CP: variants seen among roughly 807,000 people sequenced by gnomAD.
The protein encoded by CP is ceruloplasmin, also known as caeruloplasmin.
A neutral mutation model predicts 122.4 loss-of-function variants in CP; 64 were observed. The ratio of observed to expected loss-of-function variants is 0.52; its 90% CI spans 0.43 to 0.64. The LOEUF is 0.64. Ranked by LOEUF, CP falls within the 30% of genes least tolerant of loss-of-function variation. The pLI, the probability that CP is intolerant of heterozygous loss-of-function variation, is 0.00. For missense variants in CP, 1,167 were observed against 1,284.4 expected, an observed-to-expected ratio of 0.91 and a Z score of 1.40; for synonymous variants, 440 against 436.4, an observed-to-expected ratio of 1.01 and a Z score of -0.10.
At chr3:149,191,987 T>G (rs1164143787) in intron 9 of CP, among the ~76,000 whole-genome samples, 1 of 152,086 alleles carries the variant, frequency 6.6e-6, no homozygotes, top group African/African-American at 2.4e-5. Flanking sequence ...CTAAAGCTAT[T>G]CATTTAATGT....
intron 1 of CP, among the ~76,000 whole-genome samples, chr3:149,213,404 G>A (rs1728241275): frequency 1.3e-5 from 2 of 152,190 alleles, no homozygotes; most frequent in African/African-American, 4.8e-5. Context: ...TAAAATATCA[G>A]TGAGGTAAAT....
intron 5 of CP, chr3:149,165,808 G>C (rs1724356603): frequency 2.1e-5 from 7 of 332,192 alleles, no homozygotes; most frequent in Admixed American, 1.6e-4. Flanking sequence ...GTTAAATATA[G>C]AGGTAATCTA....
intron 9 of CP, 139 bp from the exon 10 acceptor site, chr3:149,188,341 T>C (rs1726316284): frequency 1.4e-6 from 1 of 700,452 alleles, no homozygotes; most frequent in South Asian, 1.9e-5. Context: ...TAAACTAGGG[T>C]TCCTGAAATA....
At chr3:149,203,731 G>T (rs1727509575) in intron 6 of CP, among the ~76,000 whole-genome samples, 2 of 152,168 alleles carry the variant, frequency 1.3e-5, no homozygotes, top group Non-Finnish European at 2.9e-5. Flanking sequence ...TCAAACACCT[G>T]CTCTTTGCTG....
Position 149,179,571 on chromosome 3 carries a change from A to G in CP, c.2646T>C (p.Thr882=). 6.2e-7 allele frequency: 1 copy of G among 1,613,048 alleles called. No individual in the cohort carries two copies. ...TGTATTTTACCTTAACTTGATCCAC[A>G]GTTGAATAATAAGCCCATGGAATAC... ...SACIPWAYYS[T]VDQVKDLYSG... is the part of the protein sequence containing the mutation. Residue 882 remains threonine (T), a synonymous_variant, in exon 15 of 19, where the codon ACT becomes ACC. Coordinates refer to ENST00000264613, the MANE Select transcript of CP (RefSeq NM_000096.4).
chr3:149,201,726 A>C (rs1054693073), intron 7 of CP, among the ~76,000 whole-genome samples: 6 of 151,648 alleles, frequency 4.0e-5, no homozygotes, highest in African/African-American at 1.5e-4. Flanking sequence ...GGCACAAGAA[A>C]CTGGGATTAC....
chr3:149,214,580 T>C (rs1728336537), intron 1 of CP, among the ~76,000 whole-genome samples: 2 of 152,192 alleles, frequency 1.3e-5, no homozygotes, highest in African/African-American at 2.4e-5. Flanking sequence ...TTGCAGCCTG[T>C]GTGGAGCAGC....
intron 9 of CP, among the ~76,000 whole-genome samples, chr3:149,191,201 C>T (rs1361324358): frequency 6.6e-6 from 1 of 151,606 alleles, no homozygotes; most frequent in African/African-American, 2.4e-5. Context: ...ATTATCTCCA[C>T]ATTATCTGAA....
intron 17 of CP, among the ~76,000 whole-genome samples, chr3:149,177,489 A>G (rs1725493214): frequency 1.3e-5 from 2 of 152,194 alleles, no homozygotes; most frequent in South Asian, 2.1e-4. Context: ...AGTCCCTTAT[A>G]TAAAATGGCA....
rs1727691757 is a variant in CP, at chr3:149,206,104, T to A, written c.1208+64A>T. The A allele has an allele frequency of 2.0e-6, 3 of 1,502,648 alleles. No individual in the cohort carries two copies. The African/African-American group carries it at 4.2e-5, about 21-fold the overall frequency. The allele number at this position is 1,502,648 out of a possible 1,614,324, so 93.1% of individuals were successfully genotyped here. ...TAAAATTTTAATTGCTGAATTAGCCTTTTGTAGTTCCTTTGTGCGGGGGAG... is the reference window on the plus strand; with the variant it reads ...TAAAATTTTAATTGCTGAATTAGCCATTTGTAGTTCCTTTGTGCGGGGGAG... On this transcript the variant is annotated intron_variant, in intron 6 of 18. Transcript: ENST00000264613.
At chr3:149,200,215 G>A (rs527468140) in intron 7 of CP, among the ~76,000 whole-genome samples, 11 of 152,290 alleles carry the variant, frequency 7.2e-5, no homozygotes, top group African/African-American at 2.4e-4. Flanking sequence ...AGAGTTAGGT[G>A]CTATAAACTC....
intron 9 of CP, among the ~76,000 whole-genome samples, chr3:149,189,086 G>C (rs544184696): frequency 1.3e-5 from 2 of 152,240 alleles, no homozygotes; most frequent in African/African-American, 4.8e-5. Flanking sequence ...ATTTTAGAAA[G>C]AAGTTATAAA....
chr3:149,207,337 G>A, intron 5 of CP, 26 bp downstream of exon 5: 1 of 1,613,592 alleles, frequency 6.2e-7, no homozygotes, highest in Non-Finnish European at 8.5e-7. Context: ...TCAGCTGACT[G>A]CTAATTTCAG....
At chr3:149,217,306 A>C (rs1559963077) in intron 1 of CP, among the ~76,000 whole-genome samples, 1 of 152,182 alleles carries the variant, frequency 6.6e-6, no homozygotes, top group South Asian at 2.1e-4. Context: ...ATCATTTAAA[A>C]ATTTAAAAAT....
downstream of CP, chr3:149,167,991 G>GA: frequency 7.1e-7 from 1 of 1,409,448 alleles, no homozygotes; most frequent in South Asian, 1.2e-5. Flanking sequence ...AAGGTAAAAT[G>GA]ATTTTTTTTT....
chr3:149,195,558 T>TCAAACAATA (rs1726845120), intron 9 of CP, among the ~76,000 whole-genome samples: 1 of 152,184 alleles, frequency 6.6e-6, no homozygotes, highest in Non-Finnish European at 1.5e-5. Context: ...ATGTTCAGAT[T>TCAAACAATA]CTATTGTGAA....
chr3:149,162,741 T>C (rs1724001915), exon 6 of CP: 1 of 1,613,940 alleles, frequency 6.2e-7, no homozygotes, highest in African/African-American at 1.3e-5. Context: ...GGTAGACTTT[T>C]GGGAAGCTCA....
chr3:149,180,903 A>G (rs1382211862), intron 14 of CP, among the ~76,000 whole-genome samples: 3 of 152,080 alleles, frequency 2.0e-5, no homozygotes, highest in African/African-American at 7.2e-5. Context: ...AACACTCCCT[A>G]GTGCCCATTT....
chr3:149,182,023 C>T lies in CP; in HGVS notation c.2536G>A (p.Val846Ile). 1.5e-6 allele frequency: 2 copies of T among 1,370,786 alleles called. No homozygotes were observed. The highest frequency in any genetic ancestry group is 2.0e-6 in the Non-Finnish European group (2 of 1,021,272). 84.9% of individuals were successfully genotyped at this position (1,370,786 alleles called of 1,614,324 possible). A position where few individuals can be genotyped will look rare whatever the true frequency, so the allele number is the denominator to read the frequency against. Residue 846 changes from valine (V) to isoleucine (I), a missense_variant, in exon 14 of 19, where the codon GTT becomes ATT. Val to Ile is a conservative substitution (Grantham distance 29). Transcript: ENST00000264613. ...AHGVQTESST[V>I]TPTLPGETLT... is the part of the protein sequence containing the mutation. ...TGAGTACCTGGTAATGTTGGAGTAA[C>T]TGTAGAACTCTCTGTTTGTACCCCA...
Sources: gnomAD v4.1 joint callset for allele counts (sites outside exome capture counted in the v4.1 genomes callset) on GRCh38, gnomAD v4.1.1 for gene constraint, MANE v1.5 for transcripts, NCBI Gene and HGNC (gene_info 2026-07-23, HGNC 2026-07-21) for gene names.